KDM4C: variants seen among roughly 807,000 people sequenced by gnomAD.
KDM4C encodes lysine-specific demethylase 4C.
In KDM4C, 81 loss-of-function variants were observed where a neutral mutation model predicts 129.3. The ratio of observed to expected loss-of-function variants is 0.63; its 90% CI spans 0.52 to 0.75. The LOEUF is 0.75. KDM4C is among the 30% of genes least tolerant of loss of function. KDM4C has a pLI of 0.00. For synonymous variants in KDM4C, 573 were observed against 456.1 expected (o/e 1.26, Z -3.26); for missense variants, 1,457 against 1,304.0 (o/e 1.12, Z -1.81).
At chr9:6,851,575 T>G (rs1838854411) in intron 5 of KDM4C, among the ~76,000 whole-genome samples, 1 of 152,208 alleles carries the variant, frequency 6.6e-6, no homozygotes, top group East Asian at 1.9e-4. Context: ...CTACATACTA[T>G]GTCTTGCTTA....
chr9:7,030,561 G>A (rs140575888), intron 15 of KDM4C, among the ~76,000 whole-genome samples: 237 of 152,196 alleles, frequency 1.6e-3, no homozygotes, highest in African/African-American at 5.5e-3. Flanking sequence ...ATGTGTGCAG[G>A]CAAGAGATAA....
chr9:6,965,609 C>T (rs1589361270), intron 8 of KDM4C, among the ~76,000 whole-genome samples: 1 of 152,200 alleles, frequency 6.6e-6, no homozygotes, highest in Non-Finnish European at 1.5e-5. Context: ...TGTCTGAGAG[C>T]TGGCATTCTT....
chr9:7,012,582 C>A (rs940090503), intron 13 of KDM4C, among the ~76,000 whole-genome samples: 3 of 152,126 alleles, frequency 2.0e-5, no homozygotes, highest in Non-Finnish European at 2.9e-5. Context: ...GCAAAAGACA[C>A]AGCCAAGACT....
Position 7,174,681 on chromosome 9 carries a change from C to T in KDM4C, c.3123C>T (p.Arg1041=), listed in dbSNP as rs1450365444. 4 of 1,614,006 alleles carry T rather than the reference C, an allele frequency of 2.5e-6. No homozygotes were observed. The highest frequency in any genetic ancestry group is 2.5e-6 in the Non-Finnish European group (3 of 1,179,976). The change falls in exon 22 of 22, where the codon CGC becomes CGT. Residue 1041 remains arginine, a synonymous_variant. Coordinates refer to ENST00000381309, the MANE Select transcript of KDM4C (RefSeq NM_015061.6). ...AATATGTGGCCGACCCTGTATACCG[C>T]ACTTTTTTGAAGAGCTCTTTCCAGA... ...KNEYVADPVY[R]TFLKSSFQKK...
chr9:6,801,037 A>AT (rs1339713503), intron 2 of KDM4C, among the ~76,000 whole-genome samples: 1 of 151,628 alleles, frequency 6.6e-6, no homozygotes, highest in East Asian at 1.9e-4. Flanking sequence ...AGGTGGTTTT[A>AT]TTTTTTTTGA....
At chr9:6,809,765 G>A (rs1830798297) in intron 3 of KDM4C, among the ~76,000 whole-genome samples, 2 of 152,198 alleles carry the variant, frequency 1.3e-5, no homozygotes, top group Non-Finnish European at 2.9e-5. Flanking sequence ...TTGGGAAGCC[G>A]AGGTAGGTGG....
chr9:6,750,336 G>A (rs1818026565), intron 1 of KDM4C, among the ~76,000 whole-genome samples: 1 of 151,896 alleles, frequency 6.6e-6, no homozygotes, highest in South Asian at 2.1e-4. Context: ...CTACTCAGGG[G>A]GCTACGGCAG....
chr9:7,044,942 A>G (rs1345835020), intron 15 of KDM4C, among the ~76,000 whole-genome samples: 3 of 152,010 alleles, frequency 2.0e-5, no homozygotes, highest in East Asian at 1.9e-4. Context: ...CACAGGGAGA[A>G]AATCTTTCAG....
intron 4 of KDM4C, among the ~76,000 whole-genome samples, chr9:6,829,889 G>C (rs1450729074): frequency 6.6e-6 from 1 of 152,130 alleles, no homozygotes; most frequent in Non-Finnish European, 1.5e-5. Flanking sequence ...AGATAATCTA[G>C]ATTTCATCTT....
intron 5 of KDM4C, among the ~76,000 whole-genome samples, chr9:6,865,824 C>T (rs1355491528): frequency 3.9e-5 from 6 of 152,022 alleles, no homozygotes; most frequent in African/African-American, 1.4e-4. Context: ...AATCTCTGCT[C>T]ACTGCAAGCT....
intron 2 of KDM4C, among the ~76,000 whole-genome samples, chr9:6,804,772 G>A (rs1431638150): frequency 2.7e-5 from 4 of 149,132 alleles, no homozygotes; most frequent in African/African-American, 5.0e-5. Flanking sequence ...AAAAAAAAAA[G>A]AATATAATGT....
Position 6,799,181 on chromosome 9 carries a change from G to T in KDM4C, c.144+6049G>T, listed in dbSNP as rs548761087. Among the ~76,000 whole-genome samples, 171 of 152,336 alleles carry T rather than the reference G, an allele frequency of 1.1e-3. 1 individual carries two copies. The highest frequency in any genetic ancestry group is 3.8e-3 in the African/African-American group (159 of 41,578). On this transcript the variant is annotated intron_variant, in intron 2 of 21. Transcript: ENST00000381309. ...ACGGGGTGGCGGCCGGGCAGAGGCT[G>T]CAATCTCGGCACTTTGGGAGGCCAA...
chr9:7,095,307 A>G (rs551015332), intron 17 of KDM4C, among the ~76,000 whole-genome samples: 2 of 152,358 alleles, frequency 1.3e-5, no homozygotes, highest in South Asian at 2.1e-4. Context: ...CACAGCTGCA[A>G]CCTTTCATGC....
chr9:6,730,694 A>C (rs2130209248), intron 1 of KDM4C, among the ~76,000 whole-genome samples: 1 of 152,320 alleles, frequency 6.6e-6, no homozygotes, highest in South Asian at 2.1e-4. Flanking sequence ...CCAGAATCAC[A>C]GCAGATATTC....
At chr9:7,041,849 T>A (rs762743436) in intron 15 of KDM4C, among the ~76,000 whole-genome samples, 3 of 152,062 alleles carry the variant, frequency 2.0e-5, no homozygotes, top group Non-Finnish European at 2.9e-5. Context: ...CTTTCATAGT[T>A]GAGCTGGCAG....
intron 8 of KDM4C, among the ~76,000 whole-genome samples, chr9:6,954,172 G>C (rs1314346533): frequency 6.6e-6 from 1 of 152,098 alleles, no homozygotes; most frequent in Non-Finnish European, 1.5e-5. Flanking sequence ...CAGATACATA[G>C]GATTCTGATC....
At position 7,175,093 on chromosome 9, in the gene KDM4C, CCTCT is replaced by C. The variant is rs574920223; in HGVS notation, c.*371_*374del. ...GGCCCTGTCAGGAAACACACGGGGA[CCTCT>C]CTCTCTAGCTCCAGCAGGTGGCACC... On this transcript the variant is annotated 3_prime_UTR_variant, in exon 22 of 22. Coordinates refer to ENST00000381309, the MANE Select transcript of KDM4C (RefSeq NM_015061.6). 1.1e-3 allele frequency: 182 copies of C among 172,798 alleles called. No homozygotes were observed. Among genetic ancestry groups the C allele is most frequent in the African/African-American group, 3.9e-3 (166 of 42,616 alleles). 10.7% of individuals were successfully genotyped at this position (172,798 alleles called of 1,614,324 possible). A position where few individuals can be genotyped will look rare whatever the true frequency, so the allele number is the denominator to read the frequency against.
intron 8 of KDM4C, among the ~76,000 whole-genome samples, chr9:6,909,480 A>C (rs1246037615): frequency 6.6e-6 from 1 of 152,216 alleles, no homozygotes; most frequent in East Asian, 1.9e-4. Flanking sequence ...TTGTGAACTC[A>C]AGCTATTCAG....
intron 8 of KDM4C, chr9:6,924,872 G>C (rs1049278796): frequency 1.0e-6 from 1 of 984,480 alleles, no homozygotes; most frequent in Non-Finnish European, 1.2e-6. Flanking sequence ...TTTTTTCAAT[G>C]AATATTTGGG....
Sources: allele counts gnomAD v4.1 joint callset (sites outside exome capture counted in the v4.1 genomes callset), GRCh38; gene constraint gnomAD v4.1.1; transcripts MANE v1.5; gene names NCBI Gene and HGNC (gene_info 2026-07-23, HGNC 2026-07-21).